NRXN1: variants seen among roughly 807,000 people sequenced by gnomAD.
The protein encoded by NRXN1 is neurexin 1, also known as neurexin-1.
In NRXN1, 39 loss-of-function variants were observed where a neutral mutation model predicts 150.9. That is an observed-to-expected ratio of 0.26 (90% CI 0.20 to 0.34). NRXN1 has a LOEUF of 0.34. Among genes scored for constraint, NRXN1 ranks in the 10% least tolerant of loss-of-function variants. The pLI, the probability that NRXN1 is intolerant of heterozygous loss-of-function variation, is 1.00. For synonymous variants in NRXN1, 924 were observed against 757.0 expected (o/e 1.22, Z -3.62); for missense variants, 1,815 against 1,949.9 (o/e 0.93, Z 1.30).
chr2:50,679,706 T>C (rs1468283133), intron 5 of NRXN1, among the ~76,000 whole-genome samples: 1 of 152,194 alleles, frequency 6.6e-6, no homozygotes, highest in Non-Finnish European at 1.5e-5. Context: ...AAAATGTATA[T>C]GAAGAAAATG....
chr2:50,329,611 GTGTGTGTATATATATATATA>G (rs2076639174), intron 17 of NRXN1, among the ~76,000 whole-genome samples: 3 of 22,498 alleles, frequency 1.3e-4, no homozygotes, highest in African/African-American at 5.9e-4. Context: ...GTGTGTGTGT[GTGTGTGTATATATATATATA>G]TATATATATA....
At position 50,581,335 on chromosome 2, in the gene NRXN1, T is replaced by C. The variant is rs116142570; in HGVS notation, c.1321-28310A>G. On this transcript the variant is annotated intron_variant, in intron 8 of 22. Coordinates refer to ENST00000401669, the MANE Select transcript of NRXN1 (RefSeq NM_001330078.2). ...GTATCTATGCATGCCAAAACCCTAA[T>C]AATGATAATCCAAATAATAACACTC... 6.9e-3 allele frequency among the ~76,000 whole-genome samples: 1,046 copies of C among 152,336 alleles called. 11 individuals are homozygous for C. The highest frequency in any genetic ancestry group is 0.024 in the African/African-American group (996 of 41,586).
rs75487053 is a variant in NRXN1, at chr2:50,506,308, A to C, written c.2497+187T>G. On this transcript the variant is annotated intron_variant, in intron 13 of 22. Transcript: ENST00000401669. ...CCAAGAATATGACATAAAATGTGTC[A>C]TTTTTGAGGAAAAACACCTAACAGA... is the stretch of plus-strand genomic sequence containing the variant. 7.9e-3 allele frequency among the ~76,000 whole-genome samples: 1,204 copies of C among 152,258 alleles called. 13 individuals are homozygous for C. The highest frequency in any genetic ancestry group is 0.027 in the African/African-American group (1,107 of 41,560).
At chr2:50,075,490 C>A (rs778257425) in intron 19 of NRXN1, among the ~76,000 whole-genome samples, 1 of 152,188 alleles carries the variant, frequency 6.6e-6, no homozygotes, top group Non-Finnish European at 1.5e-5. Context: ...TAATCACTAA[C>A]TTAGACTGAG....
intron 17 of NRXN1, among the ~76,000 whole-genome samples, chr2:50,237,226 T>C (rs1009852052): frequency 6.6e-6 from 1 of 152,090 alleles, no homozygotes; most frequent in African/African-American, 2.4e-5. Context: ...GTTATTGTGT[T>C]TTCCATTGAG....
intron 18 of NRXN1, among the ~76,000 whole-genome samples, chr2:50,219,124 T>C (rs2152854491): frequency 6.6e-6 from 1 of 152,154 alleles, no homozygotes. Context: ...TTTCATTATA[T>C]TCAAACAGGC....
intron 5 of NRXN1, among the ~76,000 whole-genome samples, chr2:50,854,111 G>A (rs1380830683): frequency 6.6e-6 from 1 of 151,992 alleles, no homozygotes; most frequent in African/African-American, 2.4e-5. Context: ...AGGAAATTGT[G>A]TAAAATCAGC....
chr2:50,869,231 T>C (rs1223332163), intron 5 of NRXN1, among the ~76,000 whole-genome samples: 1 of 151,812 alleles, frequency 6.6e-6, no homozygotes, highest in African/African-American at 2.4e-5. Flanking sequence ...TCCTTTCTTC[T>C]GGAAAAACAA....
intron 17 of NRXN1, among the ~76,000 whole-genome samples, chr2:50,358,951 C>T (rs573429463): frequency 2.8e-4 from 43 of 152,258 alleles, no homozygotes; most frequent in African/African-American, 9.1e-4. Context: ...GGGTCTGGAG[C>T]GGACCCCCCA....
intron 2 of NRXN1, among the ~76,000 whole-genome samples, chr2:51,018,800 T>C (rs1489412721): frequency 6.6e-6 from 1 of 152,096 alleles, no homozygotes; most frequent in East Asian, 1.9e-4. Flanking sequence ...TCCAAAATAA[T>C]AAGTTTTTCA....
intron 17 of NRXN1, among the ~76,000 whole-genome samples, chr2:50,354,016 T>C (rs531665568): frequency 6.6e-6 from 1 of 152,260 alleles, no homozygotes; most frequent in East Asian, 1.9e-4. Context: ...CAGGTTTTAT[T>C]AACTAACACA....
intron 5 of NRXN1, among the ~76,000 whole-genome samples, chr2:50,707,232 T>C (rs562345479): frequency 5.9e-5 from 9 of 152,292 alleles, no homozygotes; most frequent in African/African-American, 2.2e-4. Context: ...GTGATGACCA[T>C]CCTGTGGATT....
chr2:50,033,764 T>C (rs1229640698), intron 21 of NRXN1, among the ~76,000 whole-genome samples: 2 of 151,512 alleles, frequency 1.3e-5, no homozygotes, highest in African/African-American at 4.8e-5. Flanking sequence ...CTATAAGGAA[T>C]TTAAACACAT....
chr2:50,411,181 C>A (rs1218431159), intron 17 of NRXN1, among the ~76,000 whole-genome samples: 1 of 152,110 alleles, frequency 6.6e-6, no homozygotes, highest in Non-Finnish European at 1.5e-5. Flanking sequence ...CGCGCGCCTC[C>A]ACGCCTGACT....
chr2:50,941,202 T>G (rs1402263446), intron 2 of NRXN1, among the ~76,000 whole-genome samples: 1 of 152,110 alleles, frequency 6.6e-6, no homozygotes, highest in Admixed American at 6.6e-5. Context: ...CTCAGCCATG[T>G]AGAACTCTGA....
intron 8 of NRXN1, 130 bp downstream of exon 8, chr2:50,619,892 G>T: frequency 1.3e-6 from 1 of 764,798 alleles, no homozygotes; most frequent in Non-Finnish European, 2.0e-6. Flanking sequence ...ATAAACAATA[G>T]TAGAATATTG....
At chr2:50,308,546 G>T (rs1237584467) in intron 17 of NRXN1, among the ~76,000 whole-genome samples, 2 of 151,734 alleles carry the variant, frequency 1.3e-5, no homozygotes, top group Non-Finnish European at 2.9e-5. Flanking sequence ...TGAGATGGGA[G>T]TCTTGCTATG....
chr2:50,635,321 C>CT (rs60283749), intron 5 of NRXN1, among the ~76,000 whole-genome samples: 12,362 of 139,070 alleles, frequency 0.089, 754 homozygotes, highest in African/African-American at 0.17. Flanking sequence ...CCATGCCTAG[C>CT]TTTTTTTTTT....
At chr2:51,009,495 T>C (rs1030706728) in intron 2 of NRXN1, among the ~76,000 whole-genome samples, 2 of 151,898 alleles carry the variant, frequency 1.3e-5, no homozygotes, top group Non-Finnish European at 1.5e-5. Context: ...TTGCTCAGCT[T>C]AGTCATCCAT....
Sources: gnomAD v4.1 joint callset for allele counts (sites outside exome capture counted in the v4.1 genomes callset) on GRCh38, gnomAD v4.1.1 for gene constraint, MANE v1.5 for transcripts, NCBI Gene and HGNC (gene_info 2026-07-23, HGNC 2026-07-21) for gene names.